The following EIPR1 variants were observed in gnomAD, a reference collection of about 807,000 sequenced individuals.
EIPR1 encodes the protein EARP complex and GARP complex interacting protein 1.
Under a neutral mutation model 48.1 loss-of-function variants are expected in EIPR1, and 25 were observed. The ratio of observed to expected loss-of-function variants is 0.52; its 90% CI spans 0.38 to 0.73. EIPR1 has a LOEUF of 0.73. Among genes scored for constraint, EIPR1 ranks in the 30% least tolerant of loss-of-function variants. The pLI, the probability that EIPR1 is intolerant of heterozygous loss-of-function variation, is 0.00. For synonymous variants in EIPR1, 204 were observed against 201.9 expected (o/e 1.01, Z -0.09); for missense variants, 415 against 506.2 (o/e 0.82, Z 1.73).
At chr2:3,283,303 A>C (rs1245743260) in intron 3 of EIPR1, among the ~76,000 whole-genome samples, 1 of 152,148 alleles carries the variant, frequency 6.6e-6, no homozygotes, top group African/African-American at 2.4e-5. Flanking sequence ...AGCATGGCGC[A>C]CTGGTCCGAG....
At chr2:3,237,770 G>A (rs942789623) in intron 4 of EIPR1, among the ~76,000 whole-genome samples, 1 of 152,196 alleles carries the variant, frequency 6.6e-6, no homozygotes, top group African/African-American at 2.4e-5. Context: ...CTTGGTTTCC[G>A]CTTCCGTCCA....
intron 4 of EIPR1, among the ~76,000 whole-genome samples, chr2:3,218,632 T>G (rs1429455632): frequency 6.9e-6 from 1 of 144,138 alleles, no homozygotes; most frequent in African/African-American, 2.6e-5. Flanking sequence ...TCACAGTGAG[T>G]CAGGTGCACA....
At chr2:3,268,231 G>C (rs1333585875) in intron 3 of EIPR1, among the ~76,000 whole-genome samples, 1 of 152,214 alleles carries the variant, frequency 6.6e-6, no homozygotes, top group Non-Finnish European at 1.5e-5. Context: ...GCCCGCGCCA[G>C]CATCCTGGTT....
In EIPR1 at chr2:3,367,773, G is replaced by A. The variant is rs1438910868; in HGVS notation, c.42+9875C>T. ...TTTGAAAACTTAATCTCTCGGCTGG[G>A]TGCGGGGGCTCACACCTGTAATCCC... On this transcript the variant is annotated intron_variant, in intron 1 of 8. Transcript: ENST00000382125. Among the ~76,000 whole-genome samples the A allele has an allele frequency of 2.6e-5, 4 of 152,178 alleles. No homozygotes were observed. The East Asian group carries it at 5.8e-4, about 22-fold the overall frequency.
chr2:3,316,538 A>T (rs569811731), intron 3 of EIPR1, among the ~76,000 whole-genome samples: 2 of 152,318 alleles, frequency 1.3e-5, no homozygotes, highest in East Asian at 3.9e-4. Context: ...CAAATTCATT[A>T]CTATTTGGAC....
intron 2 of EIPR1, among the ~76,000 whole-genome samples, chr2:3,343,730 G>A (rs1224914894): frequency 6.6e-6 from 1 of 152,202 alleles, no homozygotes; most frequent in Non-Finnish European, 1.5e-5. Flanking sequence ...TCGGGGCTTG[G>A]AGAGAAATGC....
rs1321753631 is a variant in EIPR1 at position 3,246,830 on chromosome 2, AG to A, written c.416+10468del. On this transcript the variant is annotated intron_variant, in intron 4 of 8. Transcript: ENST00000382125. ...CAGGGAGGGAGGGAGGGAGGAAGGG[AG>A]GGAAGGAGGAAGGGAGGGAAGGAGG... Among the ~76,000 whole-genome samples the A allele has an allele frequency of 5.7e-3, 392 of 68,720 alleles. 2 individuals are homozygous for A. The highest frequency in any genetic ancestry group is 0.014 in the Middle Eastern group (1 of 70). 45.1% of individuals were successfully genotyped at this position (68,720 alleles called of 152,430 possible).
chr2:3,202,024 A>T (rs575879726), intron 5 of EIPR1, among the ~76,000 whole-genome samples: 1 of 152,088 alleles, frequency 6.6e-6, no homozygotes, highest in Non-Finnish European at 1.5e-5. Flanking sequence ...GCAAGCTCCA[A>T]TTCCCGGGGT....
At chr2:3,235,698 T>G (rs1486445547) in intron 4 of EIPR1, among the ~76,000 whole-genome samples, 3 of 152,358 alleles carry the variant, frequency 2.0e-5, no homozygotes, top group Admixed American at 2.0e-4. Context: ...TATTATAGAA[T>G]GCAGGATTTT....
chr2:3,283,350 C>T, intron 3 of EIPR1, among the ~76,000 whole-genome samples: 1 of 152,178 alleles, frequency 6.6e-6, no homozygotes, highest in East Asian at 1.9e-4. Flanking sequence ...CATGGAGGCA[C>T]CCGAGGGGCT....
chr2:3,210,567 G>A (rs1000325838), intron 5 of EIPR1, among the ~76,000 whole-genome samples: 6 of 151,982 alleles, frequency 3.9e-5, no homozygotes, highest in Non-Finnish European at 8.8e-5. Flanking sequence ...AGTCGAGGAG[G>A]TCCCGGTGCT....
chr2:3,322,547 G>A (rs186848132), intron 3 of EIPR1, among the ~76,000 whole-genome samples: 117 of 152,260 alleles, frequency 7.7e-4, no homozygotes, highest in Admixed American at 2.2e-3. Flanking sequence ...GCAAAATCAC[G>A]GCAAAACTTA....
chr2:3,263,474 C>T (rs1215215242), intron 3 of EIPR1, among the ~76,000 whole-genome samples: 1 of 152,122 alleles, frequency 6.6e-6, no homozygotes, highest in Admixed American at 6.5e-5. Context: ...GACCAGAGAC[C>T]ACCCCTCAAC....
chr2:3,329,651 T>C (rs1669826872), intron 3 of EIPR1, among the ~76,000 whole-genome samples: 1 of 147,964 alleles, frequency 6.8e-6, no homozygotes, highest in Non-Finnish European at 1.5e-5. Flanking sequence ...AGTGCCAGCC[T>C]GGCTCCCCTG....
In EIPR1 at chr2:3,312,699, G is replaced by A. The variant is rs1361351125; in HGVS notation, c.259+25318C>T. ...GCGGGGTGGGGAAGAGCCTCCACTG[G>A]TCCCTTCAACGAGATCTTTGGTGCC... is the stretch of plus-strand genomic sequence containing the variant. On this transcript the variant is annotated intron_variant, in intron 3 of 8. Coordinates refer to ENST00000382125, the MANE Select transcript of EIPR1 (RefSeq NM_003310.5). The surrounding 1 kb of genome is among the most constrained non-coding windows in gnomAD (Gnocchi z 5.5). Among the ~76,000 whole-genome samples, 1 of 152,144 alleles carries A rather than the reference G, an allele frequency of 6.6e-6. No individual in the cohort carries two copies. Among genetic ancestry groups the A allele is most frequent in the Non-Finnish European group, 1.5e-5 (1 of 68,016 alleles).
chr2:3,270,065 C>T (rs1667657573), intron 3 of EIPR1, among the ~76,000 whole-genome samples: 1 of 152,230 alleles, frequency 6.6e-6, no homozygotes, highest in Admixed American at 6.5e-5. Flanking sequence ...GGACACTTGG[C>T]TGTCCACATT....
At chr2:3,285,731 C>T (rs1668163825) in intron 3 of EIPR1, among the ~76,000 whole-genome samples, 1 of 86,472 alleles carries the variant, frequency 1.2e-5, no homozygotes, top group Admixed American at 1.1e-4. Flanking sequence ...CAGAAGTCAC[C>T]GACTGTCTCC....
intron 5 of EIPR1, among the ~76,000 whole-genome samples, chr2:3,197,271 C>T (rs1358459255): frequency 1.3e-5 from 2 of 152,162 alleles, no homozygotes; most frequent in Non-Finnish European, 2.9e-5. Flanking sequence ...CGTTTGCTTG[C>T]AAGTATGTGA....
intron 4 of EIPR1, among the ~76,000 whole-genome samples, chr2:3,230,418 C>T (rs1666206214): frequency 6.6e-6 from 1 of 152,144 alleles, no homozygotes; most frequent in Non-Finnish European, 1.5e-5. Context: ...GGATTCTTTT[C>T]CCATCGGGGA....
Sources: gnomAD v4.1 joint callset for allele counts (sites outside exome capture counted in the v4.1 genomes callset) on GRCh38, gnomAD v4.1.1 for gene constraint, Gnocchi (gnomAD v3.1) non-coding constraint, MANE v1.5 for transcripts, NCBI Gene and HGNC (gene_info 2026-07-23, HGNC 2026-07-21) for gene names.